The following DLGAP2 variants were observed in gnomAD, a reference collection of about 807,000 sequenced individuals.
DLGAP2 encodes disks large-associated protein 2.
DLGAP2 carries 26 observed loss-of-function variants against 100.3 expected under a neutral mutation model. That is an observed-to-expected ratio of 0.26 (90% CI 0.19 to 0.36). The LOEUF is 0.36. Among genes scored for constraint, DLGAP2 ranks in the 10% least tolerant of loss-of-function variants. The pLI is 1.00. For missense variants in DLGAP2, 1,858 were observed against 1,453.2 expected (o/e 1.28, Z -4.53); for synonymous variants, 886 against 630.1 (o/e 1.41, Z -6.08).
intron 1 of DLGAP2, among the ~76,000 whole-genome samples, chr8:765,280 G>C (rs1821182508): frequency 6.6e-6 from 1 of 152,178 alleles, no homozygotes; most frequent in African/African-American, 2.4e-5. Flanking sequence ...GGGGTAAAAT[G>C]ATCTGATAAT....
chr8:912,472 G>T (rs192357435), intron 2 of DLGAP2, among the ~76,000 whole-genome samples: 1 of 152,294 alleles, frequency 6.6e-6, no homozygotes, highest in South Asian at 2.1e-4. Flanking sequence ...GTGAGAGGGT[G>T]GGTGGGGAGG....
At chr8:1,062,358 T>A (rs1803110229) in intron 2 of DLGAP2, among the ~76,000 whole-genome samples, 1 of 152,194 alleles carries the variant, frequency 6.6e-6, no homozygotes, top group Admixed American at 6.5e-5. Context: ...GGAGGCACAC[T>A]CGGTCGTCTT....
chr8:1,226,274 G>T (rs1798413749), intron 2 of DLGAP2, among the ~76,000 whole-genome samples: 1 of 152,158 alleles, frequency 6.6e-6, no homozygotes, highest in Non-Finnish European at 1.5e-5. Flanking sequence ...GGTGCACCAT[G>T]GAATACTATG....
chr8:1,316,742 G>GT (rs1800761789), intron 3 of DLGAP2, among the ~76,000 whole-genome samples: 1 of 130,370 alleles, frequency 7.7e-6, no homozygotes, highest in South Asian at 2.6e-4. Flanking sequence ...AAACTCGGCA[G>GT]CTTTAAAAAT....
chr8:1,418,890 G>T (rs527784509), intron 3 of DLGAP2, among the ~76,000 whole-genome samples: 1 of 152,196 alleles, frequency 6.6e-6, no homozygotes, highest in Non-Finnish European at 1.5e-5. Flanking sequence ...GGGTTCCCAT[G>T]GCTCTACCTC....
At chr8:1,373,431 G>C (rs1388437219) in intron 3 of DLGAP2, among the ~76,000 whole-genome samples, 2 of 152,184 alleles carry the variant, frequency 1.3e-5, no homozygotes, top group Non-Finnish European at 2.9e-5. Context: ...GACAAGGACG[G>C]GGGGCCGGAC....
At chr8:794,543 C>T (rs906644506) in intron 1 of DLGAP2, among the ~76,000 whole-genome samples, 6 of 152,204 alleles carry the variant, frequency 3.9e-5, no homozygotes, top group Non-Finnish European at 8.8e-5. Flanking sequence ...GCAGCAGGAG[C>T]ATGTCTTTAA....
chr8:1,183,030 G>A (rs770832701), intron 2 of DLGAP2, among the ~76,000 whole-genome samples: 1 of 152,216 alleles, frequency 6.6e-6, no homozygotes, highest in Admixed American at 6.5e-5. Flanking sequence ...TGCGGGGAAC[G>A]TGAGATTTAC....
At chr8:1,382,280 C>A (rs1004185945) in intron 3 of DLGAP2, among the ~76,000 whole-genome samples, 1 of 152,158 alleles carries the variant, frequency 6.6e-6, no homozygotes, top group African/African-American at 2.4e-5. Flanking sequence ...ACCACAGAGG[C>A]CTTCATCCCC....
At chr8:933,460 G>T (rs1239362639) in intron 2 of DLGAP2, among the ~76,000 whole-genome samples, 1 of 149,490 alleles carries the variant, frequency 6.7e-6, no homozygotes, top group Admixed American at 6.7e-5. Flanking sequence ...GAGGGTGAGG[G>T]CAGAGCCTGC....
At chr8:1,191,250 C>CT in intron 2 of DLGAP2, among the ~76,000 whole-genome samples, 1 of 8,912 alleles carries the variant, frequency 1.1e-4, no homozygotes, top group Admixed American at 1.8e-3. Context: ...CGGCTCACTG[C>CT]AGCTCCACCT....
intron 1 of DLGAP2, among the ~76,000 whole-genome samples, chr8:749,241 T>C (rs1349133748): frequency 2.0e-5 from 3 of 152,264 alleles, no homozygotes; most frequent in Non-Finnish European, 4.4e-5. Flanking sequence ...TCCCCCTGCC[T>C]CGGCCTCCCA....
chr8:1,340,133 C>T (rs138615419), intron 3 of DLGAP2, among the ~76,000 whole-genome samples: 14 of 152,142 alleles, frequency 9.2e-5, no homozygotes, highest in Admixed American at 7.9e-4. Context: ...TATAAAAATC[C>T]CAGAAGAAAA....
At chr8:1,568,606 C>T (rs1480649113) in intron 6 of DLGAP2, among the ~76,000 whole-genome samples, 1 of 139,732 alleles carries the variant, frequency 7.2e-6, no homozygotes, top group Non-Finnish European at 1.5e-5. Context: ...GGCCCCCATG[C>T]CACTGTTCAC....
intron 3 of DLGAP2, among the ~76,000 whole-genome samples, chr8:1,385,152 C>G (rs1427558345): frequency 1.0e-4 from 9 of 87,074 alleles, no homozygotes; most frequent in African/African-American, 2.8e-4. Context: ...CCCCTGAGAA[C>G]TTGGTGCACA....
intron 2 of DLGAP2, among the ~76,000 whole-genome samples, chr8:1,157,437 T>G (rs1796812854): frequency 6.6e-6 from 1 of 152,140 alleles, no homozygotes; most frequent in Non-Finnish European, 1.5e-5. Flanking sequence ...AAACCAAATT[T>G]TGCAATGTTT....
chr8:772,596 T>G (rs1821394539), intron 1 of DLGAP2, among the ~76,000 whole-genome samples: 1 of 152,252 alleles, frequency 6.6e-6, no homozygotes, highest in African/African-American at 2.4e-5. Flanking sequence ...GTGCTGGGAC[T>G]ACAGGCATGA....
At chr8:1,494,595 G>A (rs1230924080) in intron 3 of DLGAP2, among the ~76,000 whole-genome samples, 1 of 152,194 alleles carries the variant, frequency 6.6e-6, no homozygotes, top group African/African-American at 2.4e-5. Flanking sequence ...CGAGCGTGGT[G>A]TCAGGCGCCT....
intron 3 of DLGAP2, among the ~76,000 whole-genome samples, chr8:1,357,607 G>A (rs955586610): frequency 5.3e-5 from 8 of 152,056 alleles, no homozygotes; most frequent in Non-Finnish European, 1.0e-4. Context: ...TGGAAAGCAC[G>A]CTTTATAAAC....
Sources: allele counts gnomAD v4.1 joint callset (sites outside exome capture counted in the v4.1 genomes callset), GRCh38; gene constraint gnomAD v4.1.1; transcripts MANE v1.5; gene names NCBI Gene and HGNC (gene_info 2026-07-23, HGNC 2026-07-21).